Variants in AGBL1 observed in about 807,000 individuals in gnomAD.
The protein encoded by AGBL1 is AGBL carboxypeptidase 1, also known as cytosolic carboxypeptidase 4.
Under a neutral mutation model 118.9 loss-of-function variants are expected in AGBL1, and 130 were observed. The observed-to-expected ratio is 1.09, with a 90% CI of 0.95 to 1.26. The LOEUF (loss-of-function observed/expected upper bound fraction) is 1.26. Among genes scored for constraint, AGBL1 ranks in the 50% most tolerant of loss-of-function variants. The probability of loss-of-function intolerance (pLI) is 0.00; values close to 1 mark genes in which losing one functional copy is unlikely to be tolerated. For missense variants in AGBL1, 1,584 were observed against 1,298.1 expected, an observed-to-expected ratio of 1.22 and a Z score of -3.38; for synonymous variants, 555 against 478.9, an observed-to-expected ratio of 1.16 and a Z score of -2.08.
intron 5 of AGBL1, among the ~76,000 whole-genome samples, chr15:86,199,991 G>A (rs4611420): frequency 0.48 from 72,700 of 151,944 alleles, 20,376 homozygotes; most frequent in African/African-American, 0.78. Flanking sequence ...AAGAGCCAAG[G>A]TATTCTTGTG....
At chr15:86,508,524 C>A (rs2083010459) in intron 18 of AGBL1, among the ~76,000 whole-genome samples, 1 of 151,496 alleles carries the variant, frequency 6.6e-6, no homozygotes, top group Non-Finnish European at 1.5e-5. Context: ...GTTACATAAA[C>A]CTTGTGAATT....
chr15:86,427,008 C>A (rs752007376), intron 18 of AGBL1, among the ~76,000 whole-genome samples: 2 of 152,078 alleles, frequency 1.3e-5, no homozygotes. Context: ...TCAGGTGATC[C>A]GCCTGCCTCG....
chr15:86,380,379 G>C (rs1022844437), intron 17 of AGBL1, among the ~76,000 whole-genome samples: 1 of 150,998 alleles, frequency 6.6e-6, no homozygotes, highest in Non-Finnish European at 1.5e-5. Flanking sequence ...CTGCCTCCCG[G>C]GTTCAAGTGA....
intron 17 of AGBL1, among the ~76,000 whole-genome samples, chr15:86,356,888 C>T (rs117109815): frequency 0.021 from 3,213 of 152,238 alleles, 43 homozygotes; most frequent in Non-Finnish European, 0.036. Context: ...CAGAATTGTC[C>T]AACATTACAC....
intron 18 of AGBL1, among the ~76,000 whole-genome samples, chr15:86,519,213 C>T (rs540669545): frequency 1.2e-4 from 19 of 152,116 alleles, no homozygotes; most frequent in Non-Finnish European, 2.2e-4. Flanking sequence ...GTTGGCCCTC[C>T]ATATTCATGG....
chr15:86,990,050 T>G (rs1482269009), intron 24 of AGBL1, among the ~76,000 whole-genome samples: 1 of 152,230 alleles, frequency 6.6e-6, no homozygotes, highest in African/African-American at 2.4e-5. Flanking sequence ...CTTTGGAGTT[T>G]TATTCTGAAG....
At chr15:86,141,952 C>T in intron 1 of AGBL1, 52 bp from the exon 2 acceptor site, 8 of 1,515,816 alleles carry the variant, frequency 5.3e-6, no homozygotes, top group South Asian at 1.2e-5. Flanking sequence ...CCTGATCATC[C>T]AACTCCTTCC....
At chr15:86,080,927 G>A (rs540647411) in intron 1 of AGBL1, among the ~76,000 whole-genome samples, 4 of 150,228 alleles carry the variant, frequency 2.7e-5, no homozygotes, top group Non-Finnish European at 4.4e-5. Flanking sequence ...AAGATGATGG[G>A]CTTGTGGGGG....
chr15:86,611,253 C>G (rs973451442), intron 21 of AGBL1, among the ~76,000 whole-genome samples: 1 of 152,198 alleles, frequency 6.6e-6, no homozygotes, highest in Non-Finnish European at 1.5e-5. Flanking sequence ...AGAGGAACTT[C>G]TGTGACACTT....
intron 9 of AGBL1, among the ~76,000 whole-genome samples, chr15:86,260,634 A>G (rs2078967729): frequency 6.6e-6 from 1 of 152,222 alleles, no homozygotes; most frequent in African/African-American, 2.4e-5. Flanking sequence ...ACACAAACAG[A>G]TAAGACATAG....
chr15:86,643,815 G>A (rs570302647), intron 21 of AGBL1, among the ~76,000 whole-genome samples: 32 of 152,242 alleles, frequency 2.1e-4, no homozygotes, highest in African/African-American at 7.7e-4. Context: ...CATTTGTCAT[G>A]TGGACATATC....
At chr15:86,130,999 C>T (rs2076811918) in intron 1 of AGBL1, among the ~76,000 whole-genome samples, 2 of 152,142 alleles carry the variant, frequency 1.3e-5, no homozygotes, top group Admixed American at 6.5e-5. Flanking sequence ...GCCAATTGAT[C>T]CCAGTTCAGC....
At chr15:86,383,112 T>C (rs1411300293) in intron 17 of AGBL1, among the ~76,000 whole-genome samples, 3 of 152,062 alleles carry the variant, frequency 2.0e-5, no homozygotes, top group African/African-American at 4.8e-5. Context: ...CATTTCTTCA[T>C]TGTGCTGTTC....
intron 18 of AGBL1, among the ~76,000 whole-genome samples, chr15:86,401,409 T>C (rs907325790): frequency 1.3e-4 from 20 of 152,214 alleles, no homozygotes; most frequent in African/African-American, 4.6e-4. Flanking sequence ...GGGTTGTCTG[T>C]TTACTCTGCT....
intron 5 of AGBL1, among the ~76,000 whole-genome samples, chr15:86,187,597 G>C (rs1455466519): frequency 6.6e-6 from 1 of 152,198 alleles, no homozygotes; most frequent in Non-Finnish European, 1.5e-5. Flanking sequence ...CTATGGAGCT[G>C]TGGTGAGATT....
intron 24 of AGBL1, among the ~76,000 whole-genome samples, chr15:87,014,315 C>T (rs1358747069): frequency 6.6e-6 from 1 of 152,130 alleles, no homozygotes; most frequent in Non-Finnish European, 1.5e-5. Context: ...TTTCAATTTT[C>T]CCTCTCTTAA....
chr15:86,939,548 G>A (rs777513774), intron 23 of AGBL1: 14 of 152,212 alleles, frequency 9.2e-5, no homozygotes, highest in East Asian at 3.9e-4. Flanking sequence ...ACTTCACCTC[G>A]TGATCGTGTG....
intron 22 of AGBL1, among the ~76,000 whole-genome samples, chr15:86,824,823 C>T (rs56243014): frequency 0.016 from 2,447 of 151,998 alleles, 59 homozygotes; most frequent in African/African-American, 0.054. Context: ...TTTGGGAGGC[C>T]GAGGCAGGTG....
intron 6 of AGBL1, among the ~76,000 whole-genome samples, chr15:86,235,341 A>G (rs559197481): frequency 6.6e-6 from 1 of 152,370 alleles, no homozygotes; most frequent in Admixed American, 6.5e-5. Context: ...GAATGCGTGC[A>G]GATTGAACCC....
Sources: gnomAD v4.1 joint callset for allele counts (sites outside exome capture counted in the v4.1 genomes callset) on GRCh38, gnomAD v4.1.1 for gene constraint, MANE v1.5 for transcripts, NCBI Gene and HGNC (gene_info 2026-07-23, HGNC 2026-07-21) for gene names.